ADRA1A: variants seen among roughly 807,000 people sequenced by gnomAD.
The protein encoded by ADRA1A is adrenoceptor alpha 1A.
ADRA1A carries 31 observed loss-of-function variants against 29.6 expected under a neutral mutation model. That is an observed-to-expected ratio of 1.05 (90% CI 0.79 to 1.41). The LOEUF is 1.41. Ranked by LOEUF, ADRA1A falls within the 40% of genes most tolerant of loss-of-function variation. The probability of loss-of-function intolerance (pLI) is 0.00; values close to 1 mark genes in which losing one functional copy is unlikely to be tolerated. For synonymous variants in ADRA1A, 311 were observed against 254.3 expected (o/e 1.22, Z -2.12); for missense variants, 619 against 601.1 (o/e 1.03, Z -0.31).
At position 26,770,643 on chromosome 8, in the gene ADRA1A, G is replaced by A. The variant is rs1806075869; in HGVS notation, c.907C>T (p.Pro303Ser). The A allele has an allele frequency of 1.2e-6, 2 of 1,611,846 alleles. No individual in the cohort carries two copies. Residue 303 changes from proline to serine, a missense_variant, in exon 3 of 3, where the codon CCC becomes TCC. Physicochemically the swap from Pro to Ser is moderately conservative, Grantham distance 74. Transcript: ENST00000380573. ...ACTATTTTAAAAACTGTTTCAGAGGGCTTGAAATCAGGGAAGAAAGACCCT... is the reference window on the plus strand; with the variant it reads ...ACTATTTTAAAAACTGTTTCAGAGGACTTGAAATCAGGGAAGAAAGACCCT... ...PIGSFFPDFK[P>S]SETVFKIVFW...
At chr8:26,822,101 T>C (rs2130600051) in intron 2 of ADRA1A, among the ~76,000 whole-genome samples, 1 of 152,326 alleles carries the variant, frequency 6.6e-6, no homozygotes, top group Admixed American at 6.5e-5. Flanking sequence ...CTCTAGAATA[T>C]GTGGCCAGAA....
At chr8:26,790,471 G>A (rs1360241670) in intron 2 of ADRA1A, among the ~76,000 whole-genome samples, 3 of 152,052 alleles carry the variant, frequency 2.0e-5, no homozygotes, top group Non-Finnish European at 4.4e-5. Flanking sequence ...GTGGGGAGGG[G>A]GATAGGGAGA....
intron 2 of ADRA1A, among the ~76,000 whole-genome samples, chr8:26,820,162 C>A (rs923944777): frequency 1.3e-5 from 2 of 152,120 alleles, no homozygotes; most frequent in East Asian, 1.9e-4. Context: ...AACTTCAGTA[C>A]CCCACTGTCA....
intron 2 of ADRA1A, among the ~76,000 whole-genome samples, chr8:26,792,312 T>C (rs1807892034): frequency 6.6e-6 from 1 of 152,176 alleles, no homozygotes; most frequent in Non-Finnish European, 1.5e-5. Flanking sequence ...GTTAATTACC[T>C]CTGCCCATTT....
rs1457275496 is a variant in ADRA1A, at chr8:26,803,573, A to G, written c.884-32907T>C. Among the ~76,000 whole-genome samples the G allele has an allele frequency of 2.6e-5, 4 of 152,238 alleles. No individual in the cohort carries two copies. The East Asian group carries it at 5.8e-4, about 22-fold the overall frequency. Reference sequence around the variant, plus strand: ...GAAAGTGATAAATGTAAAAGTAGATAAATAAGCTTGATCAAAATGCAAACT... The same window carrying G: ...GAAAGTGATAAATGTAAAAGTAGATGAATAAGCTTGATCAAAATGCAAACT... On this transcript the variant is annotated intron_variant, in intron 2 of 2. Coordinates refer to ENST00000380573, the MANE Select transcript of ADRA1A (RefSeq NM_000680.4).
Position 26,866,069 on chromosome 8 carries a change from T to C in ADRA1A, c.-686-414A>G, listed in dbSNP as rs1219931499. The stretch of plus-strand genomic sequence containing the variant: ...TTCTGGAGGATGTACTCGGTTTCCG[T>C]TAGAACAGGTTGCCTCGCAGTCACC... On this transcript the variant is annotated intron_variant, in intron 1 of 2. Coordinates refer to ENST00000380573, the MANE Select transcript of ADRA1A (RefSeq NM_000680.4). The surrounding 1 kb of genome is among the most constrained non-coding windows in gnomAD (Gnocchi z 5.7). Among the ~76,000 whole-genome samples, 1 of 151,946 alleles carries C rather than the reference T, an allele frequency of 6.6e-6. No homozygotes were observed. Among genetic ancestry groups the C allele is most frequent in the African/African-American group, 2.4e-5 (1 of 41,372 alleles).
At chr8:26,816,965 C>G (rs376414316) in intron 2 of ADRA1A, among the ~76,000 whole-genome samples, 4 of 152,216 alleles carry the variant, frequency 2.6e-5, no homozygotes, top group African/African-American at 9.6e-5. Context: ...TGGAGTTAGT[C>G]AAGGATTCTG....
chr8:26,772,117 CT>C (rs35838948), intron 2 of ADRA1A: 33,309 of 134,122 alleles, frequency 0.25, 5,320 homozygotes, highest in East Asian at 0.79. Flanking sequence ...ATAATATGGG[CT>C]TTTTTTTTTT....
chr8:26,810,897 C>A (rs72609965), intron 2 of ADRA1A, among the ~76,000 whole-genome samples: 3,915 of 152,146 alleles, frequency 0.026, 75 homozygotes, highest in Middle Eastern at 0.061. Context: ...GTTGAAAAAT[C>A]AATTACCTGA....
chr8:26,757,140 G>A lies in ADRA1A; in HGVS notation c.1270-361C>T, dbSNP rs556407125. On this transcript the variant is annotated intron_variant, in intron 2 of 2. Coordinates refer to the ADRA1A transcript ENST00000380582. The stretch of plus-strand genomic sequence containing the variant: ...CAGAAGACTGAAATAGCCATAGACT[G>A]TGTTTATATAAAGCAGAGTTGGGCC... The A allele has an allele frequency of 7.1e-6, 5 of 702,500 alleles. No individual in the cohort carries two copies. In the Admixed American group the frequency reaches 8.0e-5, roughly 11 times the overall value. 43.5% of individuals were successfully genotyped at this position (702,500 alleles called of 1,614,324 possible).
At chr8:26,838,263 G>A (rs1811543415) in intron 2 of ADRA1A, among the ~76,000 whole-genome samples, 1 of 152,092 alleles carries the variant, frequency 6.6e-6, no homozygotes, top group Non-Finnish European at 1.5e-5. Flanking sequence ...ACAAAGCAAG[G>A]CACAGGTCTA....
At chr8:26,756,741 G>A (rs202091232) in exon 3 of ADRA1A, 91 of 1,614,152 alleles carry the variant, frequency 5.6e-5, no homozygotes, top group South Asian at 1.8e-4. Context: ...GACAACAGTC[G>A]TGGACGGGAA....
intron 2 of ADRA1A, among the ~76,000 whole-genome samples, chr8:26,758,784 A>G (rs991629971): frequency 2.6e-5 from 4 of 152,242 alleles, no homozygotes; most frequent in African/African-American, 9.6e-5. Flanking sequence ...GAACACCAGG[A>G]GAACACACAA....
At chr8:26,814,156 A>G (rs906523818) in intron 2 of ADRA1A, among the ~76,000 whole-genome samples, 3 of 152,066 alleles carry the variant, frequency 2.0e-5, no homozygotes, top group Non-Finnish European at 4.4e-5. Flanking sequence ...TCTTAGCTTT[A>G]AAGGAGTGGT....
intron 2 of ADRA1A, among the ~76,000 whole-genome samples, chr8:26,858,165 A>G (rs1218407291): frequency 6.6e-6 from 1 of 152,218 alleles, no homozygotes; most frequent in Non-Finnish European, 1.5e-5. Context: ...TTCTATGTCT[A>G]TGTAAGCCAC....
intron 2 of ADRA1A, among the ~76,000 whole-genome samples, chr8:26,758,636 C>T (rs1046505832): frequency 6.6e-6 from 1 of 152,152 alleles, no homozygotes; most frequent in African/African-American, 2.4e-5. Context: ...TGCAATGAAG[C>T]CCAGGCCCGT....
In ADRA1A at chr8:26,776,620, C is replaced by T. The variant is rs116219636; in HGVS notation, c.884-5954G>A. Among the ~76,000 whole-genome samples the T allele has an allele frequency of 2.2e-3, 332 of 152,244 alleles. 2 individuals carry two copies. Among genetic ancestry groups the T allele is most frequent in the African/African-American group, 7.7e-3 (320 of 41,534 alleles). ...CTTTGTGTGCCGTTTAGCAACCCTA[C>T]GATGACATGGAAGTGTTAATGGCAG... On this transcript the variant is annotated intron_variant, in intron 2 of 2. Coordinates refer to ENST00000380573, the MANE Select transcript of ADRA1A (RefSeq NM_000680.4).
intron 2 of ADRA1A, among the ~76,000 whole-genome samples, chr8:26,832,235 T>G (rs905803607): frequency 6.6e-6 from 1 of 152,184 alleles, no homozygotes; most frequent in Non-Finnish European, 1.5e-5. Context: ...TCTCCTGCCT[T>G]GCTGGTGAAA....
At chr8:26,818,376 A>C (rs544833355) in intron 2 of ADRA1A, among the ~76,000 whole-genome samples, 12 of 152,348 alleles carry the variant, frequency 7.9e-5, no homozygotes, top group Non-Finnish European at 1.5e-4. Context: ...ATGGTATGTC[A>C]CTATCCAAAG....
Sources: gnomAD v4.1 joint callset for allele counts (sites outside exome capture counted in the v4.1 genomes callset) on GRCh38, gnomAD v4.1.1 for gene constraint, Gnocchi (gnomAD v3.1) non-coding constraint, MANE v1.5 for transcripts, NCBI Gene and HGNC (gene_info 2026-07-23, HGNC 2026-07-21) for gene names.